Variants in BAZ2B observed in about 807,000 individuals in gnomAD.
BAZ2B encodes bromodomain adjacent to zinc finger domain 2B.
BAZ2B carries 91 observed loss-of-function variants against 246.0 expected under a neutral mutation model. The observed-to-expected ratio is 0.37, with a 90% CI of 0.31 to 0.44. The LOEUF (loss-of-function observed/expected upper bound fraction) is 0.44, where lower values mean the gene tolerates loss of function less well. Among genes scored for constraint, BAZ2B ranks in the 20% least tolerant of loss-of-function variants. The pLI is 1.00. For synonymous variants in BAZ2B, 855 were observed against 860.0 expected, an observed-to-expected ratio of 0.99 and a Z score of 0.10; for missense variants, 2,332 against 2,533.7, an observed-to-expected ratio of 0.92 and a Z score of 1.71.
chr2:159,417,905 C>T (rs1345101520), intron 13 of BAZ2B, among the ~76,000 whole-genome samples: 1 of 152,166 alleles, frequency 6.6e-6, no homozygotes, highest in Non-Finnish European at 1.5e-5. Context: ...GTTGTCTCAA[C>T]TGTCCATATA....
the BAZ2B span, among the ~76,000 whole-genome samples, chr2:159,637,741 C>A: frequency 1.3e-5 from 2 of 152,004 alleles, no homozygotes; most frequent in Non-Finnish European, 2.9e-5. Context: ...TTGTATTTTT[C>A]TGTAGAGACA....
chr2:159,325,964 C>T (rs1465851363), intron 34 of BAZ2B, 46 bp from the exon 35 acceptor site: 2 of 1,435,370 alleles, frequency 1.4e-6, no homozygotes, highest in South Asian at 2.7e-5. Flanking sequence ...AAGTGACTGT[C>T]TACAGACCTA....
At chr2:159,648,966 T>G in the BAZ2B span, among the ~76,000 whole-genome samples, 1 of 152,132 alleles carries the variant, frequency 6.6e-6, no homozygotes, top group African/African-American at 2.4e-5. Flanking sequence ...ATATCCCACA[T>G]CCCTAGCCAA....
At chr2:159,412,206 T>C in intron 14 of BAZ2B, 129 bp downstream of exon 14, 1 of 1,028,762 alleles carries the variant, frequency 9.7e-7, no homozygotes, top group Non-Finnish European at 1.4e-6. Flanking sequence ...ATTTTTTCAT[T>C]TTATTCTAAC....
chr2:159,629,605 A>G, the BAZ2B span, among the ~76,000 whole-genome samples: 2 of 151,988 alleles, frequency 1.3e-5, no homozygotes, highest in African/African-American at 2.4e-5. Flanking sequence ...GTTCTCACTC[A>G]TAAGTGGGAG....
chr2:159,371,540 A>AAGATC (rs1649671815), intron 27 of BAZ2B, among the ~76,000 whole-genome samples: 1 of 152,154 alleles, frequency 6.6e-6, no homozygotes, highest in African/African-American at 2.4e-5. Flanking sequence ...TTCAACCTTC[A>AAGATC]AGATCCTTCT....
chr2:159,438,120 G>T, intron 8 of BAZ2B, 183 bp downstream of exon 8: 1 of 598,170 alleles, frequency 1.7e-6, no homozygotes, highest in East Asian at 3.1e-5. Context: ...ACATTAAACA[G>T]ATACATATAT....
chr2:159,338,299 GA>G (rs1422313108), intron 31 of BAZ2B, among the ~76,000 whole-genome samples: 1 of 152,162 alleles, frequency 6.6e-6, no homozygotes, highest in African/African-American at 2.4e-5. Context: ...ACTTTAACAT[GA>G]AAGGATCCTG....
At chr2:159,598,825 G>C (rs1691400293) in intron 1 of BAZ2B, among the ~76,000 whole-genome samples, 1 of 151,836 alleles carries the variant, frequency 6.6e-6, no homozygotes, top group Non-Finnish European at 1.5e-5. Flanking sequence ...TTCCAGCCAG[G>C]GAGACAAGAG....
chr2:159,401,533 CATAAT>C (rs2065068300), intron 16 of BAZ2B, among the ~76,000 whole-genome samples: 1 of 152,038 alleles, frequency 6.6e-6, no homozygotes, highest in Non-Finnish European at 1.5e-5. Flanking sequence ...TGTTGAATAG[CATAAT>C]ATAACATTGC....
At chr2:159,434,613 T>TA (rs1218227670) in intron 8 of BAZ2B, 1 of 152,122 alleles carries the variant, frequency 6.6e-6, no homozygotes, top group Non-Finnish European at 1.5e-5. Flanking sequence ...TATTCACCTT[T>TA]ATGGTCTTCC....
chr2:159,683,493 C>A, the BAZ2B span, among the ~76,000 whole-genome samples: 1 of 152,220 alleles, frequency 6.6e-6, no homozygotes, highest in Non-Finnish European at 1.5e-5. Flanking sequence ...ACAGTTCCAT[C>A]ACTCCAAAAT....
the BAZ2B span, among the ~76,000 whole-genome samples, chr2:159,658,438 A>G: frequency 6.6e-6 from 1 of 152,116 alleles, no homozygotes; most frequent in Admixed American, 6.6e-5. Context: ...AGTTCAAGAG[A>G]TCCTCTCACC....
chr2:159,519,210 C>CTTTTTTTTTTTTTTTTTTTTTTTT lies in BAZ2B; in HGVS notation c.-3+36589_-3+36612dup, dbSNP rs564614568. 1.9e-4 allele frequency among the ~76,000 whole-genome samples: 11 copies of CTTTTTTTTTTTTTTTTTTTTTTTT among 57,770 alleles called. 4 individuals carry two copies. Among genetic ancestry groups the CTTTTTTTTTTTTTTTTTTTTTTTT allele is most frequent in the Admixed American group, 2.3e-4 (1 of 4,336 alleles). 37.9% of individuals were successfully genotyped at this position (57,770 alleles called of 152,430 possible). A position where few individuals can be genotyped will look rare whatever the true frequency, so the allele number is the denominator to read the frequency against. On this transcript the variant is annotated intron_variant, in intron 2 of 36. Transcript: ENST00000392783. ...AAATTCCAACTTCATATTCTATTTT[C>CTTTTTTTTTTTTTTTTTTTTTTTT]TTTTTTTTTTTTTTTTTTTTTTTTT...
the BAZ2B span, among the ~76,000 whole-genome samples, chr2:159,675,900 G>C: frequency 5.4e-5 from 8 of 147,184 alleles, no homozygotes; most frequent in Non-Finnish European, 1.2e-4. Flanking sequence ...CCCTACGTTC[G>C]GCTTTTTCTT....
Position 159,326,038 on chromosome 2 carries a change from G to C in BAZ2B, c.5944-120C>G. 3 of 818,940 alleles carry C rather than the reference G, an allele frequency of 3.7e-6. No homozygotes were observed. The South Asian group carries it at 6.8e-5, about 18-fold the overall frequency. The allele number at this position is 818,940 out of a possible 1,614,324, so 50.7% of individuals were successfully genotyped here. On this transcript the variant is annotated intron_variant, in intron 34 of 36. Transcript: ENST00000392783. ...AAAAAGAATAACTCTGATCTAGAAT[G>C]TTGATAACTATTATTCTTAAGAAAG...
chr2:159,415,495 T>C (rs1366880689), intron 13 of BAZ2B, among the ~76,000 whole-genome samples: 1 of 151,352 alleles, frequency 6.6e-6, no homozygotes, highest in Non-Finnish European at 1.5e-5. Flanking sequence ...GTATCCTGCA[T>C]GTGTCAATCA....
At chr2:159,339,110 C>T (rs2066171733) in intron 31 of BAZ2B, among the ~76,000 whole-genome samples, 1 of 151,922 alleles carries the variant, frequency 6.6e-6, no homozygotes, top group Non-Finnish European at 1.5e-5. Context: ...TAAATTCTTC[C>T]CCTTTAACTC....
intron 1 of BAZ2B, among the ~76,000 whole-genome samples, chr2:159,580,994 G>A (rs2151631556): frequency 6.6e-6 from 1 of 152,214 alleles, no homozygotes; most frequent in East Asian, 1.9e-4. Flanking sequence ...TACCATTCAG[G>A]ACATAGGCAT....
Sources: gnomAD v4.1 joint callset for allele counts (sites outside exome capture counted in the v4.1 genomes callset) on GRCh38, gnomAD v4.1.1 for gene constraint, MANE v1.5 for transcripts, NCBI Gene and HGNC (gene_info 2026-07-23, HGNC 2026-07-21) for gene names.